Variants in HLF observed in about 807,000 individuals in gnomAD.
HLF encodes hepatic leukemia factor.
Under a neutral mutation model 22.6 loss-of-function variants are expected in HLF, and 3 were observed. The ratio of observed to expected loss-of-function variants is 0.13; its 90% confidence interval spans 0.06 to 0.34. The LOEUF is 0.34. Ranked by LOEUF, HLF falls within the 10% of genes least tolerant of loss-of-function variation. The pLI is 1.00. For missense variants in HLF, 299 were observed against 389.2 expected, an observed-to-expected ratio of 0.77 and a Z score of 1.95; for synonymous variants, 151 against 151.8, an observed-to-expected ratio of 0.99 and a Z score of 0.04.
chr17:55,307,402 C>G (rs981867744), intron 2 of HLF, among the ~76,000 whole-genome samples: 1 of 151,892 alleles, frequency 6.6e-6, no homozygotes, highest in African/African-American at 2.4e-5. Context: ...CTCCTGGCCT[C>G]AAGTGATCTG....
chr17:55,314,768 G>A (rs193177216), intron 2 of HLF, among the ~76,000 whole-genome samples: 68 of 152,188 alleles, frequency 4.5e-4, no homozygotes, highest in African/African-American at 2.6e-4. Context: ...TTTGTGTTAC[G>A]TACCATTTCC....
At chr17:55,291,096 G>A (rs960990675) in intron 2 of HLF, among the ~76,000 whole-genome samples, 1 of 152,226 alleles carries the variant, frequency 6.6e-6, no homozygotes, top group African/African-American at 2.4e-5. Flanking sequence ...TTTAAGGAAA[G>A]AAGCCATCTC....
intron 2 of HLF, 99 bp downstream of exon 2, chr17:55,268,185 G>C (rs1361529533): frequency 1.2e-6 from 1 of 864,276 alleles, no homozygotes; most frequent in Non-Finnish European, 1.8e-6. Context: ...TCAGGTTTTA[G>C]CAAAGATCCT....
intron 2 of HLF, among the ~76,000 whole-genome samples, chr17:55,275,554 T>G (rs949413373): frequency 6.6e-6 from 1 of 152,238 alleles, no homozygotes; most frequent in African/African-American, 2.4e-5. Context: ...TGTTATGGTG[T>G]TTCAGAAGGA....
chr17:55,320,593 C>G lies in HLF; in HGVS notation c.673-71C>G. ...TGCACAATCCTGGAGCCTGCCCGTGCCCTGGCTGGCACTGGGCTTTGCTGA... is the reference window on the plus strand; with the variant it reads ...TGCACAATCCTGGAGCCTGCCCGTGGCCTGGCTGGCACTGGGCTTTGCTGA... On this transcript the variant is annotated intron_variant, in intron 3 of 3. Transcript: ENST00000226067. The surrounding 1 kb of genome is among the most constrained non-coding windows in gnomAD (Gnocchi z 4.2). 7.1e-7 allele frequency: 1 copy of G among 1,410,578 alleles called. No homozygotes were observed. The highest frequency in any genetic ancestry group is 9.8e-7 in the Non-Finnish European group (1 of 1,016,458). The allele number at this position is 1,410,578 out of a possible 1,614,324, so 87.4% of individuals were successfully genotyped here.
At chr17:55,282,209 G>C (rs891742939) in intron 2 of HLF, among the ~76,000 whole-genome samples, 2 of 152,168 alleles carry the variant, frequency 1.3e-5, no homozygotes, top group Non-Finnish European at 2.9e-5. Flanking sequence ...GGTATTTAAA[G>C]GCCACGTTCT....
chr17:55,305,834 G>T (rs1191247484), intron 2 of HLF, among the ~76,000 whole-genome samples: 2 of 152,186 alleles, frequency 1.3e-5, no homozygotes, highest in Non-Finnish European at 1.5e-5. Flanking sequence ...CATTCCTGGG[G>T]CATTCGCATG....
intron 2 of HLF, among the ~76,000 whole-genome samples, chr17:55,307,990 G>T (rs73314556): frequency 0.018 from 2,759 of 152,268 alleles, 86 homozygotes; most frequent in African/African-American, 0.064. Flanking sequence ...TAGGTAGAGA[G>T]GAAACTAAAT....
At chr17:55,302,672 G>A (rs1386643220) in intron 2 of HLF, among the ~76,000 whole-genome samples, 1 of 152,170 alleles carries the variant, frequency 6.6e-6, no homozygotes, top group African/African-American at 2.4e-5. Flanking sequence ...AAGGAGAATA[G>A]TCAGTTTAAT....
At chr17:55,266,581 G>C (rs980869852) in intron 1 of HLF, among the ~76,000 whole-genome samples, 5 of 152,242 alleles carry the variant, frequency 3.3e-5, no homozygotes, top group Admixed American at 2.0e-4. Flanking sequence ...GCAATCTGCA[G>C]ATGATAGCCA....
At chr17:55,282,218 C>G (rs1163146085) in intron 2 of HLF, among the ~76,000 whole-genome samples, 1 of 152,230 alleles carries the variant, frequency 6.6e-6, no homozygotes, top group Non-Finnish European at 1.5e-5. Context: ...AGGCCACGTT[C>G]TAAAATGCAC....
Position 55,320,939 on chromosome 17 carries a change from C to A in HLF, c.*60C>A. The A allele has an allele frequency of 1.5e-6, 2 of 1,359,320 alleles. No homozygotes were observed. Among genetic ancestry groups the A allele is most frequent in the Non-Finnish European group, 1.0e-6 (1 of 975,304 alleles). The allele number at this position is 1,359,320 out of a possible 1,614,324, so 84.2% of individuals were successfully genotyped here. The stretch of plus-strand genomic sequence containing the variant: ...GGACAGTTTGTTTCCTGTCTGATAG[C>A]ACCACACGCAAACCAACCTTTCTGA... On this transcript the variant is annotated 3_prime_UTR_variant, in exon 4 of 4. Transcript: ENST00000226067. This position sits in a 1 kb window ranked among gnomAD's most constrained non-coding sequence, Gnocchi z 4.2.
At chr17:55,268,144 CA>C in intron 2 of HLF, 58 bp downstream of exon 2, 1 of 1,254,726 alleles carries the variant, frequency 8.0e-7, no homozygotes. Context: ...ATGGGACAGG[CA>C]AGGTAGAGTT....
Position 55,318,207 on chromosome 17 carries a change from C to T in HLF, c.673-2457C>T, listed in dbSNP as rs549980910. Among the ~76,000 whole-genome samples, 4 of 152,214 alleles carry T rather than the reference C, an allele frequency of 2.6e-5. No homozygotes were observed. In the South Asian group the frequency reaches 6.2e-4, roughly 24 times the overall value. Reference sequence around the variant, plus strand: ...GATGGAGTGCCAAGTTTATCAGCCCCGCTCAAAATCCCGCTTCCCCCCTGC... The same window carrying T: ...GATGGAGTGCCAAGTTTATCAGCCCTGCTCAAAATCCCGCTTCCCCCCTGC... On this transcript the variant is annotated intron_variant, in intron 3 of 3. Coordinates refer to ENST00000226067, the MANE Select transcript of HLF (RefSeq NM_002126.5).
Position 55,323,211 on chromosome 17 carries a change from A to G in HLF, c.*2332A>G, listed in dbSNP as rs1055485435. ...TTGTTCAGGTGAATAATAAAATCAA[A>G]AACTTTTGCAATCTTAAGCAGAGAT... On this transcript the variant is annotated 3_prime_UTR_variant, in exon 4 of 4. Transcript: ENST00000226067. The G allele has an allele frequency of 1.8e-5, 4 of 218,068 alleles. No individual in the cohort carries two copies. The highest frequency in any genetic ancestry group is 1.9e-4 in the South Asian group (1 of 5,378). 13.5% of individuals were successfully genotyped at this position (218,068 alleles called of 1,614,324 possible). A position where few individuals can be genotyped will look rare whatever the true frequency, so the allele number is the denominator to read the frequency against.
chr17:55,291,405 A>T (rs961220042), intron 2 of HLF, among the ~76,000 whole-genome samples: 3 of 152,212 alleles, frequency 2.0e-5, no homozygotes, highest in Non-Finnish European at 2.9e-5. Context: ...TTTGAGAATT[A>T]TACTAAATCT....
At chr17:55,297,885 G>A (rs2081124016) in intron 2 of HLF, among the ~76,000 whole-genome samples, 1 of 151,114 alleles carries the variant, frequency 6.6e-6, no homozygotes, top group South Asian at 2.1e-4. Context: ...AAGTAGTTAA[G>A]ATTACAGGTG....
At chr17:55,302,690 C>G (rs1904352722) in intron 2 of HLF, among the ~76,000 whole-genome samples, 1 of 152,156 alleles carries the variant, frequency 6.6e-6, no homozygotes, top group South Asian at 2.1e-4. Context: ...AATAACTAGC[C>G]ATGGCAGCTC....
At chr17:55,270,830 G>C (rs576527642) in intron 2 of HLF, among the ~76,000 whole-genome samples, 1 of 151,984 alleles carries the variant, frequency 6.6e-6, no homozygotes, top group Non-Finnish European at 1.5e-5. Flanking sequence ...TTTTAGTAGA[G>C]ACGGGGTTTC....
Sources: allele counts gnomAD v4.1 joint callset (sites outside exome capture counted in the v4.1 genomes callset), GRCh38; gene constraint gnomAD v4.1.1; non-coding constraint Gnocchi (gnomAD v3.1); transcripts MANE v1.5; gene names NCBI Gene and HGNC (gene_info 2026-07-23, HGNC 2026-07-21).